The following LAMA3 variants were observed in gnomAD, a reference collection of about 807,000 sequenced individuals.
LAMA3 encodes laminin subunit alpha 3.
LAMA3 carries 281 observed loss-of-function variants against 402.0 expected under a neutral mutation model. The ratio of observed to expected loss-of-function variants is 0.70; its 90% CI spans 0.63 to 0.77. The LOEUF is 0.77. LAMA3 is among the 30% of genes least tolerant of loss of function. The pLI, the probability that LAMA3 is intolerant of heterozygous loss-of-function variation, is 0.00. For missense variants in LAMA3, 3,840 were observed against 4,215.5 expected (o/e 0.91, Z 2.47); for synonymous variants, 1,431 against 1,558.4 (o/e 0.92, Z 1.93).
chr18:23,847,456 C>T lies in LAMA3; in HGVS notation c.3932-8C>T, dbSNP rs766643711. ...CCCTCACATGGTATTTCTTTATCCC[C>T]TGGCCAGCGTGCAGCTGTGGTCGGC... On this transcript the variant is annotated splice_polypyrimidine_tract_variant and splice_region_variant and intron_variant, in intron 31 of 74. Transcript: ENST00000313654. 33 of 1,609,710 alleles carry T rather than the reference C, an allele frequency of 2.1e-5. No homozygotes were observed. Among genetic ancestry groups the T allele is most frequent in the Non-Finnish European group, 2.5e-5 (30 of 1,180,012 alleles).
At position 23,876,749 on chromosome 18, in the gene LAMA3, T is replaced by C. The variant is rs372123572; in HGVS notation, c.5112+342T>C. Among the ~76,000 whole-genome samples, 65 of 152,320 alleles carry C rather than the reference T, an allele frequency of 4.3e-4. 1 individual carries two copies. In the South Asian group the frequency reaches 0.013, roughly 31 times the overall value. ...GCCACTACTTTGGGTCCCAATTTTG[T>C]TGGGGCGGCAGGAAGTTACAGGAGT... On this transcript the variant is annotated intron_variant, in intron 39 of 74. Transcript: ENST00000313654.
chr18:23,881,848 G>A (rs989639056), intron 39 of LAMA3, 88 bp from the exon 40 acceptor site: 17 of 827,294 alleles, frequency 2.1e-5, no homozygotes, highest in Non-Finnish European at 3.5e-5. Flanking sequence ...GACTTGAGTT[G>A]TAGTCATGTG....
intron 69 of LAMA3, among the ~76,000 whole-genome samples, chr18:23,945,144 T>A (rs2082664258): frequency 1.3e-5 from 2 of 151,750 alleles, no homozygotes; most frequent in South Asian, 2.2e-4. Context: ...AAAATAAAAA[T>A]AAAAAAAATA....
chr18:23,954,758 G>A lies in LAMA3; in HGVS notation c.*110G>A. ...TTCACTCAGGACACAAACCAGACAGGTTTAATAGCGAATCTAATTTTGAAT... is the reference window on the plus strand; with the variant it reads ...TTCACTCAGGACACAAACCAGACAGATTTAATAGCGAATCTAATTTTGAAT... On this transcript the variant is annotated 3_prime_UTR_variant, in exon 75 of 75. Transcript: ENST00000313654. The A allele has an allele frequency of 1.7e-6, 2 of 1,156,978 alleles. No homozygotes were observed. Among genetic ancestry groups the A allele is most frequent in the East Asian group, 4.7e-5 (2 of 42,796 alleles). 71.7% of individuals were successfully genotyped at this position (1,156,978 alleles called of 1,614,324 possible).
At chr18:23,781,401 A>G (rs1598780095) in intron 11 of LAMA3, 1 of 405,336 alleles carries the variant, frequency 2.5e-6, no homozygotes, top group East Asian at 7.4e-5. Flanking sequence ...CTTAGGTACC[A>G]TGGCTGGGCC....
intron 2 of LAMA3, among the ~76,000 whole-genome samples, chr18:23,722,397 TC>T (rs1468650896): frequency 1.3e-5 from 2 of 152,214 alleles, no homozygotes; most frequent in African/African-American, 4.8e-5. Context: ...GTGAACATAT[TC>T]TTTTTGTATC....
At chr18:23,925,070 TC>T (rs1393864237) in intron 62 of LAMA3, among the ~76,000 whole-genome samples, 2 of 152,126 alleles carry the variant, frequency 1.3e-5, no homozygotes, top group African/African-American at 4.8e-5. Flanking sequence ...ACAGAGGAGT[TC>T]CATGGATAAT....
rs73967605 is a variant in LAMA3, at chr18:23,838,659, C to T, written c.3094-122C>T. The T allele has an allele frequency of 9.2e-3, 6,490 of 704,422 alleles. 290 individuals carry two copies. In the African/African-American group the frequency reaches 0.1, roughly 11 times the overall value. 43.6% of individuals were successfully genotyped at this position (704,422 alleles called of 1,614,324 possible). ...TGCAATATTTACTACTTTAAAATAA[C>T]GATTAGAATTATTATGGATAAATCC... On this transcript the variant is annotated intron_variant, in intron 25 of 74. Transcript: ENST00000313654.
At position 23,847,591 on chromosome 18, in the gene LAMA3, C is replaced by T. The variant is rs751327237; in HGVS notation, c.4059C>T (p.Cys1353=). The change falls in exon 32 of 75, where the codon TGC becomes TGT. Residue 1353 remains cysteine, a synonymous_variant. Coordinates refer to ENST00000313654, the MANE Select transcript of LAMA3 (RefSeq NM_198129.4). ...TCAGCTTCCACCCCATGGCCGGCTG[C>T]GAAGGCTGCAACTGTTCCAGGAGGG... ...HSFSFHPMAG[C]EGCNCSRRGT... is the part of the protein sequence containing the mutation. 8 of 1,613,942 alleles carry T rather than the reference C, an allele frequency of 5.0e-6. No homozygotes were observed. In the Admixed American group the frequency reaches 5.0e-5, roughly 10 times the overall value.
intron 48 of LAMA3, among the ~76,000 whole-genome samples, chr18:23,901,642 G>C (rs1039615810): frequency 6.6e-6 from 1 of 152,136 alleles, no homozygotes; most frequent in African/African-American, 2.4e-5. Flanking sequence ...TTAATTCAAA[G>C]TATATATTAT....
chr18:23,938,273 C>T (rs1332409397), intron 67 of LAMA3, among the ~76,000 whole-genome samples: 1 of 152,082 alleles, frequency 6.6e-6, no homozygotes, highest in Non-Finnish European at 1.5e-5. Flanking sequence ...TACGGTGAAT[C>T]CCTACCCTTT....
chr18:23,823,956 G>T (rs2144420563), intron 20 of LAMA3, among the ~76,000 whole-genome samples: 1 of 152,218 alleles, frequency 6.6e-6, no homozygotes. Flanking sequence ...GAGGATTGCT[G>T]GAGCTCAGGA....
intron 52 of LAMA3, among the ~76,000 whole-genome samples, 167 bp downstream of exon 52, chr18:23,905,791 T>C (rs1032318477): frequency 1.3e-5 from 2 of 152,174 alleles, no homozygotes; most frequent in African/African-American, 4.8e-5. Context: ...TTAATAGAGA[T>C]GGGGTCTCCG....
chr18:23,696,574 C>T (rs1330860477), intron 1 of LAMA3, among the ~76,000 whole-genome samples: 2 of 151,994 alleles, frequency 1.3e-5, no homozygotes, highest in African/African-American at 2.4e-5. Context: ...GATCTCGGCT[C>T]ACTGCAACCT....
intron 12 of LAMA3, among the ~76,000 whole-genome samples, chr18:23,799,995 C>T (rs2062839046): frequency 6.6e-6 from 1 of 152,174 alleles, no homozygotes; most frequent in African/African-American, 2.4e-5. Context: ...TATTCAAAGT[C>T]TACTGATTTA....
chr18:23,902,887 T>C (rs1422706219), intron 48 of LAMA3, 122 bp from the exon 49 acceptor site: 3 of 736,684 alleles, frequency 4.1e-6, no homozygotes, highest in African/African-American at 3.5e-5. Context: ...GCCTAGACAA[T>C]GTTCAGGTTC....
chr18:23,882,009 G>A lies in LAMA3; in HGVS notation c.5186G>A (p.Gly1729Glu). 6.2e-7 allele frequency: 1 copy of A among 1,613,964 alleles called. No individual in the cohort carries two copies. The highest frequency in any genetic ancestry group is 8.5e-7 in the Non-Finnish European group (1 of 1,179,882). ...QEGYYGNAVHGSCRACPCPHT... is the reference protein window; with the variant it reads ...QEGYYGNAVHESCRACPCPHT... The stretch of plus-strand genomic sequence containing the variant: ...GGCTACTATGGCAACGCCGTCCACG[G>A]ATCCTGCAGGGCCTGCCCATGTCCT... The change falls in exon 40 of 75, where the codon GGA (glycine) becomes GAA (glutamate). Residue 1729 changes from glycine to glutamate, a missense_variant. Physicochemically the swap from Gly to Glu is moderately conservative, Grantham distance 98 (BLOSUM62 -2). Transcript: ENST00000313654.
chr18:23,864,169 GA>G (rs1292611910), intron 35 of LAMA3, among the ~76,000 whole-genome samples: 11 of 146,706 alleles, frequency 7.5e-5, no homozygotes, highest in Non-Finnish European at 1.1e-4. Context: ...TAATCATCTA[GA>G]AAAAAAAAGG....
At chr18:23,885,780 A>G (rs1453025550) in intron 41 of LAMA3, among the ~76,000 whole-genome samples, 1 of 152,210 alleles carries the variant, frequency 6.6e-6, no homozygotes, top group Non-Finnish European at 1.5e-5. Context: ...ACAAACGAGC[A>G]GAGAACCAGT....
Sources: gnomAD v4.1 joint callset for allele counts (sites outside exome capture counted in the v4.1 genomes callset) on GRCh38, gnomAD v4.1.1 for gene constraint, MANE v1.5 for transcripts, NCBI Gene and HGNC (gene_info 2026-07-23, HGNC 2026-07-21) for gene names.